Variants in NAALADL2 observed in about 807,000 individuals in gnomAD.
NAALADL2 encodes N-acetylated alpha-linked acidic dipeptidase like 2, also known as inactive N-acetylated-alpha-linked acidic dipeptidase-like protein 2.
Under a neutral mutation model 87.2 loss-of-function variants are expected in NAALADL2, and 76 were observed. The ratio of observed to expected loss-of-function variants is 0.87; its 90% CI spans 0.72 to 1.05. The LOEUF (loss-of-function observed/expected upper bound fraction) is 1.05, where lower values mean the gene tolerates loss of function less well. Ranked by LOEUF, NAALADL2 falls within the 50% of genes least tolerant of loss-of-function variation. NAALADL2 has a pLI of 0.00. For synonymous variants in NAALADL2, 354 were observed against 331.0 expected (o/e 1.07, Z -0.75); for missense variants, 1,089 against 945.8 (o/e 1.15, Z -1.99).
intron 9 of NAALADL2, among the ~76,000 whole-genome samples, chr3:175,536,800 G>T (rs1236120807): frequency 6.6e-6 from 1 of 152,018 alleles, no homozygotes; most frequent in Non-Finnish European, 1.5e-5. Flanking sequence ...GGCGTGAGAC[G>T]CAAACCCCGT....
chr3:175,635,075 G>A (rs1462134491), intron 11 of NAALADL2, among the ~76,000 whole-genome samples: 1 of 152,012 alleles, frequency 6.6e-6, no homozygotes, highest in African/African-American at 2.4e-5. Flanking sequence ...CCTCATAAGT[G>A]CATAATTAAA....
chr3:175,489,393 T>G (rs1727742815), intron 9 of NAALADL2, among the ~76,000 whole-genome samples: 1 of 152,204 alleles, frequency 6.6e-6, no homozygotes, highest in African/African-American at 2.4e-5. Context: ...ATGAAGCCTG[T>G]TCTCATTACC....
intron 4 of NAALADL2, among the ~76,000 whole-genome samples, chr3:175,315,972 A>G (rs1396825405): frequency 6.6e-6 from 1 of 152,224 alleles, no homozygotes; most frequent in Non-Finnish European, 1.5e-5. Context: ...AAATGCAATT[A>G]ATGTGTCTTT....
chr3:175,324,762 A>G (rs182187663), intron 5 of NAALADL2, among the ~76,000 whole-genome samples: 6 of 152,350 alleles, frequency 3.9e-5, no homozygotes, highest in Non-Finnish European at 7.4e-5. Flanking sequence ...GTAAAGTAGT[A>G]AGAAAAGATG....
intron 2 of NAALADL2, among the ~76,000 whole-genome samples, chr3:175,102,894 G>T (rs1489874719): frequency 6.6e-6 from 1 of 152,078 alleles, no homozygotes; most frequent in Non-Finnish European, 1.5e-5. Flanking sequence ...CAGATCACGA[G>T]GTCAAGAGAT....
intron 1 of NAALADL2, among the ~76,000 whole-genome samples, chr3:175,047,817 C>T (rs912369462): frequency 6.6e-6 from 1 of 152,166 alleles, no homozygotes; most frequent in Non-Finnish European, 1.5e-5. Context: ...ATTCCTGAAT[C>T]TGATATTCAC....
intron 5 of NAALADL2, among the ~76,000 whole-genome samples, chr3:175,337,314 T>G (rs1350977389): frequency 6.6e-6 from 1 of 152,154 alleles, no homozygotes; most frequent in Non-Finnish European, 1.5e-5. Flanking sequence ...ATGGAATCCA[T>G]GTGATATTCA....
chr3:174,960,930 A>C (rs1440265172), intron 1 of NAALADL2, among the ~76,000 whole-genome samples: 1 of 151,560 alleles, frequency 6.6e-6, no homozygotes, highest in African/African-American at 2.4e-5. Context: ...CCAGCTACTT[A>C]AGAGGCTGAA....
At chr3:174,499,165 A>G (rs1312607407) in intron 1 of NAALADL2, among the ~76,000 whole-genome samples, 1 of 152,014 alleles carries the variant, frequency 6.6e-6, no homozygotes, top group Non-Finnish European at 1.5e-5. Context: ...TTCACTGAGG[A>G]TCTTGGAACA....
chr3:175,486,133 C>T lies in NAALADL2; in HGVS notation c.1653+14375C>T, dbSNP rs557848558. 3.0e-4 allele frequency among the ~76,000 whole-genome samples: 45 copies of T among 152,266 alleles called. 4 individuals are homozygous for T. Among genetic ancestry groups the T allele is most frequent in the Admixed American group, 1.3e-3 (20 of 15,272 alleles). On this transcript the variant is annotated intron_variant, in intron 9 of 13. Coordinates refer to ENST00000454872, the MANE Select transcript of NAALADL2 (RefSeq NM_207015.3). Reference sequence around the variant, plus strand: ...GTCTTACCTACTTCAAAAAGTTGTTCTGAAAATCAAGAGATTTTGTCAAAA... The same window carrying T: ...GTCTTACCTACTTCAAAAAGTTGTTTTGAAAATCAAGAGATTTTGTCAAAA...
chr3:174,580,703 A>C (rs1716074463), intron 2 of NAALADL2, among the ~76,000 whole-genome samples: 1 of 152,026 alleles, frequency 6.6e-6, no homozygotes, highest in African/African-American at 2.4e-5. Context: ...CTTATTTATA[A>C]GTAGTATTAA....
chr3:175,478,714 A>T (rs956784248), intron 9 of NAALADL2, among the ~76,000 whole-genome samples: 3 of 151,928 alleles, frequency 2.0e-5, no homozygotes, highest in African/African-American at 7.2e-5. Context: ...GGTACACTGG[A>T]CACAGGCCTC....
intron 9 of NAALADL2, among the ~76,000 whole-genome samples, chr3:175,574,715 C>T (rs1718605428): frequency 6.6e-6 from 1 of 152,156 alleles, no homozygotes; most frequent in Non-Finnish European, 1.5e-5. Context: ...ACAGGGACAT[C>T]TACCTCCCCT....
intron 1 of NAALADL2, among the ~76,000 whole-genome samples, chr3:175,083,082 T>A (rs1297471972): frequency 6.6e-6 from 1 of 152,208 alleles, no homozygotes; most frequent in African/African-American, 2.4e-5. Flanking sequence ...GAAAGGCATA[T>A]GTAAATAACA....
At position 174,751,602 on chromosome 3, in the gene NAALADL2, G is replaced by T. The variant is rs540372775; in HGVS notation, c.-9+13856G>T. On this transcript the variant is annotated intron_variant, in intron 3 of 3. Coordinates refer to the NAALADL2 transcript ENST00000434257. ...TGCTTGAGCCCGGGAGACTGAGGTT[G>T]CAGTGAGCCGAGATCGTGCCACTGC... Among the ~76,000 whole-genome samples, 14 of 150,348 alleles carry T rather than the reference G, an allele frequency of 9.3e-5. No homozygotes were observed. In the South Asian group the frequency reaches 2.9e-3, roughly 32 times the overall value.
At chr3:175,737,995 C>T (rs958780517) in intron 12 of NAALADL2, among the ~76,000 whole-genome samples, 4 of 152,128 alleles carry the variant, frequency 2.6e-5, no homozygotes, top group Admixed American at 1.3e-4. Context: ...CCTTCATCTA[C>T]ATACAAATCT....
chr3:175,439,802 A>G (rs1393700184), intron 5 of NAALADL2, among the ~76,000 whole-genome samples: 1 of 138,878 alleles, frequency 7.2e-6, no homozygotes, highest in Non-Finnish European at 1.5e-5. Flanking sequence ...TGTTAGATCT[A>G]TAGATTGCAA....
chr3:175,404,785 A>T (rs1161476754), intron 5 of NAALADL2, among the ~76,000 whole-genome samples: 1 of 152,210 alleles, frequency 6.6e-6, no homozygotes, highest in East Asian at 1.9e-4. Context: ...TTGACCTCAT[A>T]TATCAAGGAC....
chr3:175,622,589 G>C (rs1211238135), intron 10 of NAALADL2, among the ~76,000 whole-genome samples: 1 of 152,190 alleles, frequency 6.6e-6, no homozygotes, highest in East Asian at 1.9e-4. Context: ...GTGAATTCCA[G>C]TCCAGATTCT....
Sources: allele counts gnomAD v4.1 joint callset (sites outside exome capture counted in the v4.1 genomes callset), GRCh38; gene constraint gnomAD v4.1.1; transcripts MANE v1.5; gene names NCBI Gene and HGNC (gene_info 2026-07-23, HGNC 2026-07-21).